DACH1: variants seen among roughly 807,000 people sequenced by gnomAD.
DACH1 encodes dachshund family transcription factor 1.
A neutral mutation model predicts 54.2 loss-of-function variants in DACH1; 12 were observed. The ratio of observed to expected loss-of-function variants is 0.22; its 90% CI spans 0.14 to 0.36. The LOEUF (loss-of-function observed/expected upper bound fraction) is 0.36, where lower values mean the gene tolerates loss of function less well. Ranked by LOEUF, DACH1 falls within the 10% of genes least tolerant of loss-of-function variation. DACH1 has a pLI of 1.00. For synonymous variants in DACH1, 386 were observed against 366.2 expected, an observed-to-expected ratio of 1.05 and a Z score of -0.62; for missense variants, 805 against 929.8, an observed-to-expected ratio of 0.87 and a Z score of 1.75.
chr13:71,513,176 C>T (rs1880910722), intron 6 of DACH1, among the ~76,000 whole-genome samples: 1 of 151,818 alleles, frequency 6.6e-6, no homozygotes, highest in African/African-American at 2.4e-5. Flanking sequence ...GTGCTGAAAT[C>T]CTTTAAAAGT....
chr13:71,515,726 C>T (rs958763585), intron 6 of DACH1, among the ~76,000 whole-genome samples: 2 of 151,852 alleles, frequency 1.3e-5, no homozygotes, highest in East Asian at 3.9e-4. Context: ...ATTTAGAATT[C>T]TAACCAGTTA....
At chr13:71,553,811 T>C (rs190510796) in intron 6 of DACH1, among the ~76,000 whole-genome samples, 57 of 151,676 alleles carry the variant, frequency 3.8e-4, no homozygotes, top group Admixed American at 3.7e-3. Context: ...TTTGGGCTAA[T>C]AGAATGGAGC....
chr13:71,579,579 T>C (rs548489532), intron 3 of DACH1, among the ~76,000 whole-genome samples: 79 of 152,186 alleles, frequency 5.2e-4, no homozygotes, highest in Non-Finnish European at 9.9e-4. Context: ...AAAAATAGCA[T>C]TAGGAAGCTG....
chr13:71,575,177 C>T (rs746439444), intron 3 of DACH1, among the ~76,000 whole-genome samples: 1 of 151,756 alleles, frequency 6.6e-6, no homozygotes, highest in Non-Finnish European at 1.5e-5. Context: ...AACTGACTAT[C>T]GGGATATAGA....
chr13:71,654,726 A>G (rs1355908216), intron 2 of DACH1, among the ~76,000 whole-genome samples: 1 of 152,122 alleles, frequency 6.6e-6, no homozygotes, highest in Non-Finnish European at 1.5e-5. Flanking sequence ...ACTCAACTTC[A>G]AAGCCTAAAA....
intron 6 of DACH1, among the ~76,000 whole-genome samples, chr13:71,550,753 G>C (rs1188392223): frequency 6.6e-6 from 1 of 152,080 alleles, no homozygotes; most frequent in African/African-American, 2.4e-5. Flanking sequence ...TCCAAAGAAA[G>C]TTGTTGTTGT....
In DACH1 at chr13:71,500,866, GT is replaced by G. The variant is rs879517301; in HGVS notation, c.1571-11719del. Among the ~76,000 whole-genome samples the G allele has an allele frequency of 5.3e-5, 8 of 151,406 alleles. No individual in the cohort carries two copies. In the East Asian group the frequency reaches 7.8e-4, roughly 15 times the overall value. ...AATCATAGAATCTACTTAAAAAGTG[GT>G]TTTTTTTTAAATTAAGCCTGAATAT... On this transcript the variant is annotated intron_variant, in intron 6 of 10. Transcript: ENST00000613252.
At chr13:71,855,900 T>C (rs1333782994) in intron 1 of DACH1, among the ~76,000 whole-genome samples, 2 of 151,916 alleles carry the variant, frequency 1.3e-5, no homozygotes. Flanking sequence ...GATTAAAAAG[T>C]ACAAAATAGT....
chr13:71,784,216 T>C (rs1453279042), intron 1 of DACH1, among the ~76,000 whole-genome samples: 1 of 152,066 alleles, frequency 6.6e-6, no homozygotes, highest in Non-Finnish European at 1.5e-5. Flanking sequence ...AGTCTTTTAG[T>C]TTTAAGATGT....
intron 1 of DACH1, among the ~76,000 whole-genome samples, chr13:71,800,097 A>G (rs1286718789): frequency 6.6e-6 from 1 of 152,096 alleles, no homozygotes; most frequent in East Asian, 1.9e-4. Flanking sequence ...GCTAGCCTCA[A>G]GTGAGTTGCT....
intron 3 of DACH1, chr13:71,573,316 T>C: frequency 4.6e-6 from 3 of 646,574 alleles, no homozygotes; most frequent in Non-Finnish European, 2.8e-6. Flanking sequence ...CCCAATTAGC[T>C]ATGTAAATAT....
At chr13:71,836,358 T>A (rs1261928161) in intron 1 of DACH1, among the ~76,000 whole-genome samples, 1 of 152,038 alleles carries the variant, frequency 6.6e-6, no homozygotes, top group Non-Finnish European at 1.5e-5. Flanking sequence ...TATGCATAAT[T>A]TCATTTAATG....
In DACH1 at chr13:71,691,809, A is replaced by G. The variant is rs1881490583; in HGVS notation, c.849-9899T>C. Among the ~76,000 whole-genome samples the G allele has an allele frequency of 2.0e-5, 3 of 152,196 alleles. No homozygotes were observed. In the South Asian group the frequency reaches 6.2e-4, roughly 31 times the overall value. The stretch of plus-strand genomic sequence containing the variant: ...CCTTCCCTCAAGTAGCTCATGGTCT[A>G]TTTTGGGAAATACATCGATACATAG... On this transcript the variant is annotated intron_variant, in intron 1 of 10. Coordinates refer to ENST00000613252, the MANE Select transcript of DACH1 (RefSeq NM_080759.6).
At chr13:71,653,763 T>A (rs943284946) in intron 2 of DACH1, among the ~76,000 whole-genome samples, 1 of 152,238 alleles carries the variant, frequency 6.6e-6, no homozygotes, top group Non-Finnish European at 1.5e-5. Context: ...CACTATCATT[T>A]ATTCTAAATT....
chr13:71,695,715 C>T (rs1881793760), intron 1 of DACH1, among the ~76,000 whole-genome samples: 1 of 152,144 alleles, frequency 6.6e-6, no homozygotes, highest in Admixed American at 6.5e-5. Flanking sequence ...TATGCTACTC[C>T]CAGCTATATT....
rs113891804 is a variant in DACH1, at chr13:71,750,357, A to C, written c.849-68447T>G. On this transcript the variant is annotated intron_variant, in intron 1 of 10. Coordinates refer to ENST00000613252, the MANE Select transcript of DACH1 (RefSeq NM_080759.6). ...AAACTGTACCTTACACTGCCGCAAA[A>C]ATGCCACATCTGTGTTTATTTAATT... Among the ~76,000 whole-genome samples the C allele has an allele frequency of 4.6e-5, 7 of 152,308 alleles. 1 individual carries two copies. Among genetic ancestry groups the C allele is most frequent in the African/African-American group, 1.7e-4 (7 of 41,570 alleles).
chr13:71,533,608 T>TA (rs1882559438), intron 6 of DACH1, among the ~76,000 whole-genome samples: 1 of 152,058 alleles, frequency 6.6e-6, no homozygotes, highest in Admixed American at 6.6e-5. Context: ...CATTTTCCTA[T>TA]AAAACAGCTT....
intron 3 of DACH1, among the ~76,000 whole-genome samples, chr13:71,583,934 A>T (rs1457799755): frequency 6.6e-6 from 1 of 152,184 alleles, no homozygotes; most frequent in African/African-American, 2.4e-5. Flanking sequence ...TACTTACTAT[A>T]ATCTGTTATT....
At chr13:71,611,744 C>G (rs1875344860) in intron 3 of DACH1, among the ~76,000 whole-genome samples, 1 of 152,118 alleles carries the variant, frequency 6.6e-6, no homozygotes, top group Non-Finnish European at 1.5e-5. Flanking sequence ...ATATAAGCAG[C>G]TATTTCTCCA....
Sources: allele counts gnomAD v4.1 joint callset (sites outside exome capture counted in the v4.1 genomes callset), GRCh38; gene constraint gnomAD v4.1.1; transcripts MANE v1.5; gene names NCBI Gene and HGNC (gene_info 2026-07-23, HGNC 2026-07-21).